The following ROBO1 variants were observed in gnomAD, a reference collection of about 807,000 sequenced individuals.
ROBO1 encodes the protein roundabout homolog 1.
In ROBO1, 149 loss-of-function variants were observed where a neutral mutation model predicts 195.9. The observed-to-expected ratio is 0.76, with a 90% CI of 0.67 to 0.87. The LOEUF is 0.87. Ranked by LOEUF, ROBO1 falls within the 40% of genes least tolerant of loss-of-function variation. The pLI, the probability that ROBO1 is intolerant of heterozygous loss-of-function variation, is 0.00. For missense variants in ROBO1, 1,933 were observed against 2,068.3 expected, an observed-to-expected ratio of 0.93 and a Z score of 1.27; for synonymous variants, 816 against 733.2, an observed-to-expected ratio of 1.11 and a Z score of -1.82.
At chr3:79,630,847 A>G (rs1945318825) in intron 1 of ROBO1, among the ~76,000 whole-genome samples, 1 of 151,756 alleles carries the variant, frequency 6.6e-6, no homozygotes. Context: ...ATTGAAGCTG[A>G]GAACCAAATC....
chr3:78,690,056 T>A (rs1204283418), intron 8 of ROBO1, among the ~76,000 whole-genome samples: 1 of 149,036 alleles, frequency 6.7e-6, no homozygotes, highest in African/African-American at 2.4e-5. Context: ...TAAATTTTAA[T>A]AAAATAGCTG....
intron 3 of ROBO1, among the ~76,000 whole-genome samples, chr3:78,998,081 T>C (rs2077410843): frequency 1.3e-5 from 2 of 152,156 alleles, no homozygotes; most frequent in Non-Finnish European, 2.9e-5. Flanking sequence ...TTTGTGGAAT[T>C]AAATTGTAAC....
At chr3:78,606,548 A>C (rs1260153372) in intron 29 of ROBO1, among the ~76,000 whole-genome samples, 185 bp downstream of exon 29, 1 of 152,178 alleles carries the variant, frequency 6.6e-6, no homozygotes, top group Non-Finnish European at 1.5e-5. Context: ...TCTCCAGGTG[A>C]TGTTGAGTAT....
At chr3:79,590,432 G>T (rs778891106) in intron 1 of ROBO1, among the ~76,000 whole-genome samples, 10 of 151,682 alleles carry the variant, frequency 6.6e-5, no homozygotes, top group Admixed American at 2.6e-4. Context: ...ACACCTTGAG[G>T]CCACTTTAAT....
In ROBO1 at chr3:78,986,498, T is replaced by A. The variant is rs189808413; in HGVS notation, c.173-47571A>T. Reference sequence around the variant, plus strand: ...TATATACTATTCACCCAGCCTGGAGTCTTCAATGACAGCTATTCATGTGTC... The same window carrying A: ...TATATACTATTCACCCAGCCTGGAGACTTCAATGACAGCTATTCATGTGTC... On this transcript the variant is annotated intron_variant, in intron 3 of 30. Transcript: ENST00000464233. Among the ~76,000 whole-genome samples the A allele has an allele frequency of 2.6e-5, 4 of 151,410 alleles. No individual in the cohort carries two copies. The East Asian group carries it at 7.8e-4, about 30-fold the overall frequency.
At chr3:79,528,486 T>A (rs1186338752) in intron 2 of ROBO1, among the ~76,000 whole-genome samples, 2 of 152,340 alleles carry the variant, frequency 1.3e-5, no homozygotes, top group East Asian at 3.9e-4. Context: ...AAAATAAATA[T>A]GCATACACAA....
At chr3:79,642,470 T>C (rs1200777564) in intron 1 of ROBO1, among the ~76,000 whole-genome samples, 1 of 151,706 alleles carries the variant, frequency 6.6e-6, no homozygotes. Context: ...ACCCCAAAAA[T>C]ATAATAAAAC....
At chr3:79,260,103 CA>C (rs1374693070) in intron 2 of ROBO1, among the ~76,000 whole-genome samples, 2 of 150,408 alleles carry the variant, frequency 1.3e-5, no homozygotes, top group African/African-American at 4.9e-5. Context: ...CACACACACA[CA>C]CAAATATATA....
chr3:79,032,757 G>A (rs908491281), intron 3 of ROBO1, among the ~76,000 whole-genome samples: 5 of 151,786 alleles, frequency 3.3e-5, no homozygotes, highest in Non-Finnish European at 7.4e-5. Context: ...AAACTCAAGG[G>A]GTGCACATAC....
chr3:78,613,698 T>C (rs141097200), intron 28 of ROBO1, among the ~76,000 whole-genome samples: 4 of 152,346 alleles, frequency 2.6e-5, no homozygotes, highest in Non-Finnish European at 5.9e-5. Flanking sequence ...TAAATTCTTC[T>C]GTCAAGTGGT....
chr3:78,607,226 A>C, intron 28 of ROBO1, 185 bp from the exon 29 acceptor site: 2 of 608,886 alleles, frequency 3.3e-6, no homozygotes, highest in Non-Finnish European at 5.6e-6. Flanking sequence ...TTATTTATTT[A>C]TTCTGAGACA....
intron 1 of ROBO1, among the ~76,000 whole-genome samples, chr3:79,635,932 T>C (rs1269124094): frequency 1.3e-5 from 2 of 152,208 alleles, no homozygotes; most frequent in African/African-American, 4.8e-5. Flanking sequence ...GGATATGATA[T>C]TCTATCCTAC....
chr3:79,592,749 T>C (rs1560021625), intron 1 of ROBO1, among the ~76,000 whole-genome samples: 1 of 152,022 alleles, frequency 6.6e-6, no homozygotes, highest in Non-Finnish European at 1.5e-5. Flanking sequence ...ACCATTATCA[T>C]CCAAAGTCCA....
At chr3:79,489,424 G>T (rs1051009006) in intron 2 of ROBO1, among the ~76,000 whole-genome samples, 1 of 152,066 alleles carries the variant, frequency 6.6e-6, no homozygotes, top group East Asian at 1.9e-4. Flanking sequence ...GGGAGGCCGA[G>T]GTGGGCGGAT....
chr3:78,757,898 T>C lies in ROBO1; in HGVS notation c.500-10998A>G, dbSNP rs1369461098. 2.0e-5 allele frequency among the ~76,000 whole-genome samples: 3 copies of C among 152,194 alleles called. No individual in the cohort carries two copies. The East Asian group carries it at 5.8e-4, about 29-fold the overall frequency. ...ATAACGTTCAGATCTGTTAATTCCT[T>C]GTATCTTCCCCTATCAGAGCCTGTC... On this transcript the variant is annotated intron_variant, in intron 4 of 30. Transcript: ENST00000464233.
intron 1 of ROBO1, among the ~76,000 whole-genome samples, chr3:79,689,500 G>A (rs1947237225): frequency 6.6e-6 from 1 of 151,860 alleles, no homozygotes; most frequent in Admixed American, 6.6e-5. Context: ...AGAATTAAGT[G>A]AGATATATGG....
intron 2 of ROBO1, among the ~76,000 whole-genome samples, chr3:79,308,931 A>G (rs1442327137): frequency 6.6e-6 from 1 of 152,208 alleles, no homozygotes; most frequent in Non-Finnish European, 1.5e-5. Flanking sequence ...TGTTTGTACT[A>G]CATTTTAGAG....
intron 4 of ROBO1, among the ~76,000 whole-genome samples, chr3:78,813,018 A>G (rs577649904): frequency 6.6e-6 from 1 of 152,236 alleles, no homozygotes; most frequent in African/African-American, 2.4e-5. Context: ...GAGTTTCCAT[A>G]TAAAATTTTC....
intron 2 of ROBO1, among the ~76,000 whole-genome samples, chr3:79,510,005 A>C (rs80241794): frequency 6.7e-6 from 1 of 150,060 alleles, no homozygotes; most frequent in African/African-American, 2.5e-5. Context: ...TATAATCACA[A>C]AAAAAAAACC....
Sources: gnomAD v4.1 joint callset for allele counts (sites outside exome capture counted in the v4.1 genomes callset) on GRCh38, gnomAD v4.1.1 for gene constraint, MANE v1.5 for transcripts, NCBI Gene and HGNC (gene_info 2026-07-23, HGNC 2026-07-21) for gene names.